The following PRKDC variants were observed in gnomAD, a reference collection of about 807,000 sequenced individuals.
The protein encoded by PRKDC is protein kinase, DNA-activated, catalytic subunit, also known as DNA-dependent protein kinase catalytic subunit.
PRKDC carries 82 observed loss-of-function variants against 486.9 expected under a neutral mutation model. The observed-to-expected ratio is 0.17, with a 90% CI of 0.14 to 0.20. PRKDC has a LOEUF of 0.20. PRKDC is among the 10% of genes least tolerant of loss of function. The probability of loss-of-function intolerance (pLI) is 1.00; values close to 1 mark genes in which losing one functional copy is unlikely to be tolerated. For synonymous variants in PRKDC, 1,895 were observed against 1,837.0 expected, an observed-to-expected ratio of 1.03 and a Z score of -0.81; for missense variants, 4,504 against 5,038.2, an observed-to-expected ratio of 0.89 and a Z score of 3.21.
At chr8:47,828,078 G>A in intron 62 of PRKDC, 90 bp downstream of exon 62, 5 of 1,280,094 alleles carry the variant, frequency 3.9e-6, no homozygotes, top group South Asian at 1.5e-5. Flanking sequence ...GTTATCAAGA[G>A]TCTCAACACG....
At chr8:47,887,111 G>A (rs1002084683) in intron 35 of PRKDC, among the ~76,000 whole-genome samples, 4 of 152,198 alleles carry the variant, frequency 2.6e-5, no homozygotes, top group Non-Finnish European at 5.9e-5. Context: ...TTCAGCTACA[G>A]CAGGGACTAT....
At chr8:47,856,307 A>G (rs1186822536) in intron 49 of PRKDC, among the ~76,000 whole-genome samples, 2 of 152,070 alleles carry the variant, frequency 1.3e-5, no homozygotes, top group Non-Finnish European at 2.9e-5. Flanking sequence ...AGCTCACCAC[A>G]ACCTCCGCCT....
At chr8:47,909,304 C>T (rs1391712053) in intron 25 of PRKDC, among the ~76,000 whole-genome samples, 21 of 152,272 alleles carry the variant, frequency 1.4e-4, no homozygotes, top group Non-Finnish European at 2.4e-4. Flanking sequence ...TTTCTTACAC[C>T]TCTCTTTACT....
Position 47,933,118 on chromosome 8 carries a change from G to C in PRKDC, c.1678C>G (p.Leu560Val). ...FFSVNSSSES[L>V]NHLLYDEFVK... ...AATTCATCATAAAGTAAATGATTCA[G>C]ACTTTCACTGGAGGAATTCACAGAG... The change falls in exon 16 of 86, where the codon CTG (leucine) becomes GTG (valine). Residue 560 changes from leucine to valine, a missense_variant. Around this residue, in one of 6 missense-constraint regions of PRKDC, gnomAD observed 1,969 missense variants for 2,068.9 expected, o/e 0.95. Coordinates refer to ENST00000314191, the MANE Select transcript of PRKDC (RefSeq NM_006904.7). 6.4e-7 allele frequency: 1 copy of C among 1,567,482 alleles called. No homozygotes were observed. Among genetic ancestry groups the C allele is most frequent in the Non-Finnish European group, 8.6e-7 (1 of 1,158,896 alleles).
At position 47,929,132 on chromosome 8, in the gene PRKDC, T is replaced by A; in HGVS notation, c.2099A>T (p.Lys700Met). The A allele has an allele frequency of 6.3e-7, 1 of 1,578,652 alleles. No homozygotes were observed. The highest frequency in any genetic ancestry group is 8.6e-7 in the Non-Finnish European group (1 of 1,160,382). The change falls in exon 19 of 86, where the codon AAG becomes ATG. Residue 700 changes from lysine to methionine, a missense_variant. Around this residue, in one of 6 missense-constraint regions of PRKDC, gnomAD observed 1,969 missense variants for 2,068.9 expected, o/e 0.95. Coordinates refer to ENST00000314191, the MANE Select transcript of PRKDC (RefSeq NM_006904.7). ...CACAAATAAAGCAAAGCAAGAATAC[T>A]TTTCTGGGTCTTCAGGAGAGTGTTT... ...SLKHSPEDPE[K>M]YSCFALFVKF...
intron 13 of PRKDC, 64 bp from the exon 14 acceptor site, chr8:47,935,122 A>T: frequency 8.6e-7 from 1 of 1,158,472 alleles, no homozygotes. Flanking sequence ...AAACTCACAA[A>T]AAAAAACAAA....
intron 58 of PRKDC, among the ~76,000 whole-genome samples, chr8:47,835,749 A>C (rs1398901899): frequency 6.7e-6 from 1 of 149,034 alleles, no homozygotes. Flanking sequence ...AACATCTTCC[A>C]TGTCCAGAGT....
intron 24 of PRKDC, 59 bp from the exon 25 acceptor site, chr8:47,912,621 T>C: frequency 6.9e-7 from 1 of 1,447,742 alleles, no homozygotes; most frequent in Non-Finnish European, 9.2e-7. Context: ...CAAGAGAATA[T>C]TTGAAATGTC....
intron 63 of PRKDC, 45 bp downstream of exon 63, chr8:47,826,610 TG>T: frequency 1.3e-6 from 2 of 1,555,142 alleles, no homozygotes; most frequent in Non-Finnish European, 1.8e-6. Flanking sequence ...CGTATTGCTT[TG>T]GTCAAATCCA....
intron 27 of PRKDC, 117 bp from the exon 28 acceptor site, chr8:47,900,584 G>A (rs571620418): frequency 3.1e-4 from 278 of 901,770 alleles, no homozygotes; most frequent in African/African-American, 2.5e-3. Flanking sequence ...TTTTGTGGCC[G>A]GGTGCGGTGG....
chr8:47,897,056 AC>A, intron 30 of PRKDC, 104 bp downstream of exon 30: 1 of 1,225,898 alleles, frequency 8.2e-7, no homozygotes. Flanking sequence ...TTAACTGAAT[AC>A]CATGTTAACT....
rs571000280 is a variant in PRKDC at position 47,904,996 on chromosome 8, A to C, written c.2935-20T>G. The C allele has an allele frequency of 1.3e-6, 2 of 1,526,060 alleles. No individual in the cohort carries two copies. The highest frequency in any genetic ancestry group is 1.8e-6 in the Non-Finnish European group (2 of 1,101,980). The allele number at this position is 1,526,060 out of a possible 1,614,324, so 94.5% of individuals were successfully genotyped here. A position where few individuals can be genotyped will look rare whatever the true frequency, so the allele number is the denominator to read the frequency against. Reference sequence around the variant, plus strand: ...TGTCACCTGAAGAAACAATACCATTAAAGTTAATTCCCTTCATGTTAAAGA... The same window carrying C: ...TGTCACCTGAAGAAACAATACCATTCAAGTTAATTCCCTTCATGTTAAAGA... On this transcript the variant is annotated intron_variant, in intron 25 of 85. Coordinates refer to ENST00000314191, the MANE Select transcript of PRKDC (RefSeq NM_006904.7).
chr8:47,858,179 C>T (rs1267100380), intron 48 of PRKDC, among the ~76,000 whole-genome samples: 1 of 151,782 alleles, frequency 6.6e-6, no homozygotes, highest in African/African-American at 2.4e-5. Context: ...ATATTTTCTC[C>T]CCCGCTCCAC....
chr8:47,899,714 G>A (rs1395586530), intron 28 of PRKDC, among the ~76,000 whole-genome samples: 1 of 152,140 alleles, frequency 6.6e-6, no homozygotes, highest in African/African-American at 2.4e-5. Context: ...CAGCTGTGTG[G>A]CCGTCTCAGT....
intron 49 of PRKDC, among the ~76,000 whole-genome samples, chr8:47,855,992 G>C (rs1012617733): frequency 2.0e-5 from 3 of 152,100 alleles, no homozygotes; most frequent in African/African-American, 7.2e-5. Context: ...CCTCGAGCCC[G>C]GCAGTTCCAC....
At chr8:47,893,711 G>T (rs2089514170) in intron 30 of PRKDC, among the ~76,000 whole-genome samples, 1 of 152,020 alleles carries the variant, frequency 6.6e-6, no homozygotes, top group South Asian at 2.1e-4. Flanking sequence ...CTACCTCTGG[G>T]GCTGTTACAA....
chr8:47,901,793 G>T (rs1332136811), intron 27 of PRKDC, among the ~76,000 whole-genome samples: 7 of 152,132 alleles, frequency 4.6e-5, no homozygotes, highest in Non-Finnish European at 1.0e-4. Context: ...ACATGTGCAG[G>T]ATGTGAGGTT....
intron 25 of PRKDC, among the ~76,000 whole-genome samples, chr8:47,907,077 C>T (rs1020886975): frequency 1.3e-5 from 2 of 151,058 alleles, no homozygotes; most frequent in Non-Finnish European, 1.5e-5. Context: ...CTCGCTCTGT[C>T]GCCCAGGCTG....
chr8:47,774,594 T>C (rs963875178), intron 85 of PRKDC, among the ~76,000 whole-genome samples: 2 of 152,170 alleles, frequency 1.3e-5, no homozygotes, highest in African/African-American at 4.8e-5. Context: ...TCACTTCTCC[T>C]GAGTGAATTC....
Sources: allele counts gnomAD v4.1 joint callset (sites outside exome capture counted in the v4.1 genomes callset), GRCh38; gene constraint gnomAD v4.1.1; regional missense constraint gnomAD v4.1.1; transcripts MANE v1.5; gene names NCBI Gene and HGNC (gene_info 2026-07-23, HGNC 2026-07-21).